SLC26A8: variants seen among roughly 807,000 people sequenced by gnomAD.
SLC26A8 encodes the protein solute carrier family 26 member 8.
SLC26A8 carries 70 observed loss-of-function variants against 105.0 expected under a neutral mutation model. The observed-to-expected ratio is 0.67, with a 90% CI of 0.55 to 0.81. SLC26A8 has a LOEUF of 0.81. Among genes scored for constraint, SLC26A8 ranks in the 40% least tolerant of loss-of-function variants. SLC26A8 has a pLI of 0.00. For synonymous variants in SLC26A8, 415 were observed against 438.3 expected, an observed-to-expected ratio of 0.95 and a Z score of 0.66; for missense variants, 998 against 1,181.8, an observed-to-expected ratio of 0.84 and a Z score of 2.28.
At position 36,022,640 on chromosome 6, in the gene SLC26A8, G is replaced by A. The variant is rs76605458; in HGVS notation, c.-3+1864C>T. Among the ~76,000 whole-genome samples the A allele has an allele frequency of 4.5e-4, 68 of 152,236 alleles. 1 individual carries two copies. The East Asian group carries it at 0.013, about 29-fold the overall frequency. On this transcript the variant is annotated intron_variant, in intron 1 of 19. Transcript: ENST00000490799. ...CATAAACTCCTACGACCACAGTGAGGATGGCTAGGAGGAGCAGGTGGAAAG... is the reference window on the plus strand; with the variant it reads ...CATAAACTCCTACGACCACAGTGAGAATGGCTAGGAGGAGCAGGTGGAAAG...
intron 19 of SLC26A8, among the ~76,000 whole-genome samples, chr6:35,948,191 A>T (rs1771740492): frequency 6.6e-6 from 1 of 152,228 alleles, no homozygotes; most frequent in Non-Finnish European, 1.5e-5. Flanking sequence ...TTGGTTTGGA[A>T]GAATAAATTG....
At chr6:36,019,261 T>C (rs1171947739) in intron 2 of SLC26A8, among the ~76,000 whole-genome samples, 1 of 152,178 alleles carries the variant, frequency 6.6e-6, no homozygotes, top group Non-Finnish European at 1.5e-5. Flanking sequence ...CTGGTAGTCA[T>C]GGTTGATTGA....
At chr6:35,994,574 T>C (rs1761294727) in intron 5 of SLC26A8, among the ~76,000 whole-genome samples, 1 of 123,020 alleles carries the variant, frequency 8.1e-6, no homozygotes, top group Non-Finnish European at 1.8e-5. Context: ...ATGTGCATCA[T>C]CTCTTTTTTT....
At chr6:36,000,564 C>T (rs187854068) in intron 3 of SLC26A8, among the ~76,000 whole-genome samples, 335 of 152,294 alleles carry the variant, frequency 2.2e-3, no homozygotes, top group African/African-American at 7.4e-3. Flanking sequence ...CTTCCATAGG[C>T]CAATCACTCC....
At position 36,001,241 on chromosome 6, in the gene SLC26A8, G is replaced by C. The variant is rs151080828; in HGVS notation, c.329-1133C>G. 8.4e-4 allele frequency among the ~76,000 whole-genome samples: 128 copies of C among 152,124 alleles called. 2 individuals carry two copies. The East Asian group carries it at 0.024, about 29-fold the overall frequency. On this transcript the variant is annotated intron_variant, in intron 3 of 19. Coordinates refer to ENST00000490799, the MANE Select transcript of SLC26A8 (RefSeq NM_052961.4). ...CCTTCTGGGTTCATGCCATTCTCCTGCCTCAGCCTCCCGAGTAGCTGGAAC... is the reference window on the plus strand; with the variant it reads ...CCTTCTGGGTTCATGCCATTCTCCTCCCTCAGCCTCCCGAGTAGCTGGAAC...
At chr6:35,999,262 A>C (rs573439717) in intron 4 of SLC26A8, among the ~76,000 whole-genome samples, 1 of 152,300 alleles carries the variant, frequency 6.6e-6, no homozygotes. Flanking sequence ...CAGACTGAAC[A>C]TAAAAACATA....
In SLC26A8 at chr6:35,955,237, G is replaced by C. The variant is rs780397612; in HGVS notation, c.2147C>G (p.Ser716Cys). ...RRSLIPYSDASLLPSVHTIIL... is the reference protein window; with the variant it reads ...RRSLIPYSDACLLPSVHTIIL... The stretch of plus-strand genomic sequence containing the variant: ...GATGGTGTGGACACTGGGCAGTAGA[G>C]ACGCATCTGAGTAAGGGATGAGTGA... The change falls in exon 17 of 20, where the codon TCT (serine) becomes TGT (cysteine). Residue 716 changes from serine (S) to cysteine (C), a missense_variant. Physicochemically the swap from Ser to Cys is moderately radical, Grantham distance 112. Transcript: ENST00000490799. The C allele has an allele frequency of 1.2e-6, 2 of 1,614,050 alleles. No homozygotes were observed. The highest frequency in any genetic ancestry group is 1.7e-6 in the Non-Finnish European group (2 of 1,180,042).
rs766948763 is a variant in SLC26A8, at chr6:35,991,692, C to A, written c.909G>T (p.Gln303His). ...ATTCCATGGGAAACTCAATGGGATA[C>A]TGATTGAAAGAAATTCTGATACATT... is the stretch of plus-strand genomic sequence containing the variant. ...INKCIRISFNQYPIEFPMELF... is the reference protein window; with the variant it reads ...INKCIRISFNHYPIEFPMELF... Residue 303 changes from glutamine (Q) to histidine (H), a missense_variant, in exon 7 of 20, where the codon CAG becomes CAT. Transcript: ENST00000490799. The A allele has an allele frequency of 8.7e-6, 14 of 1,602,134 alleles. No homozygotes were observed. The South Asian group carries it at 1.2e-4, about 14-fold the overall frequency.
At chr6:35,983,790 G>A (rs914272668) in intron 7 of SLC26A8, among the ~76,000 whole-genome samples, 1 of 151,926 alleles carries the variant, frequency 6.6e-6, no homozygotes, top group African/African-American at 2.4e-5. Flanking sequence ...CCTGACCTCA[G>A]GTGATCCTCC....
intron 7 of SLC26A8, among the ~76,000 whole-genome samples, chr6:35,988,650 GAAA>G (rs1773627401): frequency 6.6e-6 from 1 of 151,718 alleles, no homozygotes; most frequent in African/African-American, 2.4e-5. Flanking sequence ...AAAAAGAAAA[GAAA>G]AGAAAAGAAA....
chr6:36,012,211 A>G (rs780900955), intron 3 of SLC26A8, 22 bp downstream of exon 3: 5 of 1,608,026 alleles, frequency 3.1e-6, no homozygotes, highest in Non-Finnish European at 3.4e-6. Context: ...CTTTGGATGA[A>G]CAGGCTTCAT....
intron 16 of SLC26A8, among the ~76,000 whole-genome samples, chr6:35,958,014 C>T (rs1046348208): frequency 5.9e-5 from 9 of 151,946 alleles, no homozygotes; most frequent in Admixed American, 2.0e-4. Context: ...AGCCTCTATC[C>T]TAAGAGCCCC....
rs1331660902 is a variant in SLC26A8 at position 35,992,582 on chromosome 6, G to C, written c.720C>G (p.Ile240Met). 1 of 1,614,030 alleles carries C rather than the reference G, an allele frequency of 6.2e-7. No individual in the cohort carries two copies. Among genetic ancestry groups the C allele is most frequent in the Non-Finnish European group, 8.5e-7 (1 of 1,180,018 alleles). Residue 240 changes from isoleucine (I) to methionine (M), a missense_variant, in exon 6 of 20, where the codon ATC (isoleucine) becomes ATG (methionine). Coordinates refer to ENST00000490799, the MANE Select transcript of SLC26A8 (RefSeq NM_052961.4). ...SAYLAAVALH[I>M]MLSQLTFIFG... ...AGATGAAAGTCAGCTGGGACAGCAT[G>C]ATATGAAGTGCCACAGCAGCCAGGT...
chr6:35,976,415 A>T (rs541965611), intron 9 of SLC26A8, among the ~76,000 whole-genome samples: 1 of 149,706 alleles, frequency 6.7e-6, no homozygotes, highest in South Asian at 2.1e-4. Flanking sequence ...CAAGAGCAAA[A>T]CTCCGTCTCA....
At chr6:35,950,187 G>T (rs1455234479) in intron 19 of SLC26A8, among the ~76,000 whole-genome samples, 1 of 152,074 alleles carries the variant, frequency 6.6e-6, no homozygotes, top group Admixed American at 6.6e-5. Context: ...GATAATATTA[G>T]ATAATATTTT....
Position 36,019,521 on chromosome 6 carries a change from G to T in SLC26A8, c.187C>A (p.Arg63Ser). The T allele has an allele frequency of 6.2e-7, 1 of 1,612,382 alleles. No individual in the cohort carries two copies. The highest frequency in any genetic ancestry group is 8.5e-7 in the Non-Finnish European group (1 of 1,179,438). The change falls in exon 2 of 20, where the codon CGC becomes AGC. Residue 63 changes from arginine (R) to serine (S), a missense_variant and splice_region_variant. By Grantham distance (110) the Arg-to-Ser change is moderately radical. Transcript: ENST00000490799. ...AGGTGAAAGATTGGACACACGCACCGGCACTGGACGTGGTGTCTGAAGGTG... is the reference window on the plus strand; with the variant it reads ...AGGTGAAAGATTGGACACACGCACCTGCACTGGACGTGGTGTCTGAAGGTG... ...ITTFRHHVQC[R>S]CSWHRFLRCV... is the part of the protein sequence containing the mutation.
chr6:36,017,512 G>T (rs1468917055), intron 2 of SLC26A8, among the ~76,000 whole-genome samples: 2 of 151,952 alleles, frequency 1.3e-5, no homozygotes, highest in East Asian at 3.9e-4. Flanking sequence ...CCTGCCTGTA[G>T]TCCCCACTAC....
chr6:35,959,773 A>T lies in SLC26A8; in HGVS notation c.1672T>A (p.Cys558Ser), dbSNP rs754385740. The T allele has an allele frequency of 6.2e-6, 10 of 1,609,286 alleles. No homozygotes were observed. Among genetic ancestry groups the T allele is most frequent in the Non-Finnish European group, 8.5e-6 (10 of 1,179,002 alleles). The change falls in exon 15 of 20, where the codon TGC becomes AGC. Residue 558 changes from cysteine to serine, a missense_variant. Coordinates refer to ENST00000490799, the MANE Select transcript of SLC26A8 (RefSeq NM_052961.4). ...TTTACAAATGTAATTGAGCTGCAGC[A>T]CTGGAAGATTTTCACCCCAGGAATG... ...ITIPGVKIFQ[C>S]CSSITFVNVY...
In SLC26A8 at chr6:36,000,088, C is replaced by T; in HGVS notation, c.349G>A (p.Ala117Thr). 2 of 1,613,554 alleles carry T rather than the reference C, an allele frequency of 1.2e-6. No homozygotes were observed. Among genetic ancestry groups the T allele is most frequent in the Non-Finnish European group, 1.7e-6 (2 of 1,179,612 alleles). ...VPQGLTLSLL[A>T]RQLIPPLNIA... Reference sequence around the variant, plus strand: ...TTGAGAGGAGGAATCAGTTGCCTTGCCAGCAAACTAAGTGTCAGGCCTGAA... The same window carrying T: ...TTGAGAGGAGGAATCAGTTGCCTTGTCAGCAAACTAAGTGTCAGGCCTGAA... Residue 117 changes from alanine to threonine, a missense_variant, in exon 4 of 20, where the codon GCA becomes ACA. Coordinates refer to ENST00000490799, the MANE Select transcript of SLC26A8 (RefSeq NM_052961.4).
Sources: gnomAD v4.1 joint callset for allele counts (sites outside exome capture counted in the v4.1 genomes callset) on GRCh38, gnomAD v4.1.1 for gene constraint, MANE v1.5 for transcripts, NCBI Gene and HGNC (gene_info 2026-07-23, HGNC 2026-07-21) for gene names.